CRPPA: variants seen among roughly 807,000 people sequenced by gnomAD.
CRPPA encodes the protein D-ribitol-5-phosphate cytidylyltransferase.
CRPPA carries 43 observed loss-of-function variants against 52.0 expected under a neutral mutation model. The ratio of observed to expected loss-of-function variants is 0.83; its 90% CI spans 0.65 to 1.07. CRPPA has a LOEUF of 1.07. Among genes scored for constraint, CRPPA ranks in the 50% least tolerant of loss-of-function variants. CRPPA has a pLI of 0.00. For synonymous variants in CRPPA, 250 were observed against 203.5 expected (o/e 1.23, Z -1.94); for missense variants, 629 against 551.7 (o/e 1.14, Z -1.40).
intron 3 of CRPPA, among the ~76,000 whole-genome samples, chr7:16,350,704 C>G (rs1786128288): frequency 6.6e-6 from 1 of 152,068 alleles, no homozygotes; most frequent in African/African-American, 2.4e-5. Context: ...AACCAAGGAC[C>G]TGTAAAACAA....
chr7:16,391,624 G>A (rs1429609008), intron 2 of CRPPA, among the ~76,000 whole-genome samples: 3 of 152,088 alleles, frequency 2.0e-5, no homozygotes. Context: ...ATTTCCACTA[G>A]GAGCATTTTA....
intron 8 of CRPPA, among the ~76,000 whole-genome samples, chr7:16,223,952 A>T (rs1409928943): frequency 6.6e-6 from 1 of 152,166 alleles, no homozygotes; most frequent in Non-Finnish European, 1.5e-5. Flanking sequence ...TTTCCCATGC[A>T]GTGTGACATT....
chr7:16,410,910 T>G (rs1434982387), intron 1 of CRPPA, among the ~76,000 whole-genome samples: 1 of 152,152 alleles, frequency 6.6e-6, no homozygotes, highest in African/African-American at 2.4e-5. Context: ...TTTCCCTGAC[T>G]GCCATTCTGC....
At chr7:16,383,418 C>A (rs1787167131) in intron 2 of CRPPA, among the ~76,000 whole-genome samples, 1 of 152,184 alleles carries the variant, frequency 6.6e-6, no homozygotes, top group Non-Finnish European at 1.5e-5. Flanking sequence ...GGGTGCCTCC[C>A]AGTTAGGCTG....
chr7:16,170,589 G>A (rs1232579279), intron 9 of CRPPA, among the ~76,000 whole-genome samples: 1 of 152,248 alleles, frequency 6.6e-6, no homozygotes, highest in African/African-American at 2.4e-5. Context: ...CAGTGTGGAA[G>A]AGAACCCAAG....
chr7:16,357,621 G>C (rs1203665699), intron 3 of CRPPA, among the ~76,000 whole-genome samples: 2 of 152,182 alleles, frequency 1.3e-5, no homozygotes, highest in Non-Finnish European at 2.9e-5. Context: ...TGTCTGCCTT[G>C]TCACTACAGG....
chr7:16,374,113 C>A (rs1349583593), intron 3 of CRPPA, among the ~76,000 whole-genome samples: 1 of 152,058 alleles, frequency 6.6e-6, no homozygotes, highest in Non-Finnish European at 1.5e-5. Context: ...AGGGTGTTGC[C>A]AGAGGGGAGT....
intron 8 of CRPPA, among the ~76,000 whole-genome samples, chr7:16,246,569 T>A (rs563355307): frequency 2.6e-5 from 4 of 152,304 alleles, no homozygotes; most frequent in Admixed American, 1.3e-4. Flanking sequence ...TCTTCAAAAA[T>A]AAGACATGAA....
intron 9 of CRPPA, among the ~76,000 whole-genome samples, chr7:16,120,070 A>T (rs1183154928): frequency 3.3e-5 from 5 of 152,322 alleles, no homozygotes; most frequent in African/African-American, 1.2e-4. Flanking sequence ...ACTGTTGTGT[A>T]ATGGAACCTG....
intron 9 of CRPPA, among the ~76,000 whole-genome samples, chr7:16,156,467 A>G (rs1783183861): frequency 6.6e-6 from 1 of 152,170 alleles, no homozygotes; most frequent in Non-Finnish European, 1.5e-5. Context: ...AGAAATTTTG[A>G]CCAAACTCAG....
chr7:16,329,307 A>G lies in CRPPA; in HGVS notation c.685-20680T>C, dbSNP rs114727123. ...GCCTGACAAATGGAAGTTACAAATGAAAGGCTGCCCCTTGAAGAAACAGCA... is the reference window on the plus strand; with the variant it reads ...GCCTGACAAATGGAAGTTACAAATGGAAGGCTGCCCCTTGAAGAAACAGCA... On this transcript the variant is annotated intron_variant, in intron 3 of 9. Coordinates refer to ENST00000407010, the MANE Select transcript of CRPPA (RefSeq NM_001101426.4). 3.2e-3 allele frequency among the ~76,000 whole-genome samples: 493 copies of G among 152,332 alleles called. 7 individuals carry two copies. Among genetic ancestry groups the G allele is most frequent in the African/African-American group, 0.011 (475 of 41,562 alleles).
intron 2 of CRPPA, among the ~76,000 whole-genome samples, chr7:16,394,889 G>A (rs1159842033): frequency 2.6e-5 from 4 of 152,156 alleles, no homozygotes; most frequent in Non-Finnish European, 5.9e-5. Context: ...CTTGCCATCT[G>A]CTATAAACAG....
At chr7:16,223,074 T>G (rs1279585696) in intron 8 of CRPPA, among the ~76,000 whole-genome samples, 1 of 152,182 alleles carries the variant, frequency 6.6e-6, no homozygotes, top group Middle Eastern at 3.4e-3. Flanking sequence ...GGCAGATCAC[T>G]TGAGCCTAGA....
intron 9 of CRPPA, among the ~76,000 whole-genome samples, chr7:16,102,648 G>A (rs1782071364): frequency 1.3e-5 from 2 of 152,100 alleles, no homozygotes; most frequent in Non-Finnish European, 1.5e-5. Flanking sequence ...GTGGGCAAAG[G>A]ATATAAACAG....
At chr7:16,351,678 G>A (rs755671320) in intron 3 of CRPPA, among the ~76,000 whole-genome samples, 7 of 152,096 alleles carry the variant, frequency 4.6e-5, no homozygotes, top group African/African-American at 1.2e-4. Flanking sequence ...ATCATCACTG[G>A]TCATTAGAGA....
chr7:16,242,037 C>A (rs956016781), intron 8 of CRPPA, among the ~76,000 whole-genome samples: 1 of 139,498 alleles, frequency 7.2e-6, no homozygotes, highest in South Asian at 2.2e-4. Flanking sequence ...CGGTTCACTG[C>A]CCCCCGGGTT....
At chr7:16,400,737 G>T (rs1175647149) in intron 2 of CRPPA, among the ~76,000 whole-genome samples, 1 of 152,196 alleles carries the variant, frequency 6.6e-6, no homozygotes, top group Non-Finnish European at 1.5e-5. Context: ...ACCAACACCT[G>T]TGACGTGGCA....
At chr7:16,277,681 A>G (rs913196214) in intron 6 of CRPPA, among the ~76,000 whole-genome samples, 4 of 152,312 alleles carry the variant, frequency 2.6e-5, no homozygotes, top group African/African-American at 9.6e-5. Flanking sequence ...GAGTTTAACT[A>G]GGAAGTTGGT....
At chr7:16,256,632 A>G (rs564301794) in intron 8 of CRPPA, among the ~76,000 whole-genome samples, 10 of 152,288 alleles carry the variant, frequency 6.6e-5, no homozygotes, top group Non-Finnish European at 1.3e-4. Context: ...ATGAAACTAG[A>G]AACCATCATT....
Sources: gnomAD v4.1 joint callset for allele counts (sites outside exome capture counted in the v4.1 genomes callset) on GRCh38, gnomAD v4.1.1 for gene constraint, MANE v1.5 for transcripts, NCBI Gene and HGNC (gene_info 2026-07-23, HGNC 2026-07-21) for gene names.